Variants in SEC14L1 observed in about 807,000 individuals in gnomAD.
SEC14L1 encodes SEC14-like protein 1.
A neutral mutation model predicts 85.3 loss-of-function variants in SEC14L1; 48 were observed. That is an observed-to-expected ratio of 0.56 (90% CI 0.45 to 0.72). The LOEUF (loss-of-function observed/expected upper bound fraction) is 0.72, where lower values mean the gene tolerates loss of function less well. SEC14L1 is among the 30% of genes least tolerant of loss of function. The probability of loss-of-function intolerance (pLI) is 0.00; values close to 1 mark genes in which losing one functional copy is unlikely to be tolerated. For synonymous variants in SEC14L1, 391 were observed against 355.5 expected (o/e 1.10, Z -1.12); for missense variants, 682 against 921.4 (o/e 0.74, Z 3.36).
intron 9 of SEC14L1, 149 bp from the exon 10 acceptor site, chr17:77,203,421 C>G (rs1976280285): frequency 4.5e-6 from 3 of 666,368 alleles, no homozygotes; most frequent in Non-Finnish European, 7.7e-6. Context: ...CCCTATCACA[C>G]AAATCAGTTG....
chr17:77,102,480 C>T (rs2033817385), intron 3 of SEC14L1, among the ~76,000 whole-genome samples: 1 of 151,900 alleles, frequency 6.6e-6, no homozygotes, highest in South Asian at 2.1e-4. Flanking sequence ...GGGTATCTTC[C>T]CTTGTTTTCT....
intron 6 of SEC14L1, among the ~76,000 whole-genome samples, chr17:77,193,817 CA>C (rs1476771197): frequency 2.0e-5 from 3 of 152,216 alleles, no homozygotes; most frequent in African/African-American, 7.2e-5. Flanking sequence ...GAGGCAGCAG[CA>C]GCTGGCACAC....
At chr17:77,172,603 T>A (rs904665963) in intron 3 of SEC14L1, among the ~76,000 whole-genome samples, 2 of 152,218 alleles carry the variant, frequency 1.3e-5, no homozygotes, top group Admixed American at 1.3e-4. Context: ...TATAGATTTA[T>A]CTTTCCAGTT....
At chr17:77,181,650 A>G (rs1159693962) in intron 3 of SEC14L1, among the ~76,000 whole-genome samples, 1 of 152,178 alleles carries the variant, frequency 6.6e-6, no homozygotes, top group African/African-American at 2.4e-5. Flanking sequence ...ACCTCGGGTG[A>G]GGTAGTCTAC....
Position 77,201,970 on chromosome 17 carries a change from G to A in SEC14L1, c.1009+1297G>A, listed in dbSNP as rs569317306. Among the ~76,000 whole-genome samples the A allele has an allele frequency of 3.3e-5, 5 of 152,244 alleles. No homozygotes were observed. In the South Asian group the frequency reaches 6.2e-4, roughly 19 times the overall value. Reference sequence around the variant, plus strand: ...CACTGCTGGTCTTCTGGTAACCACCGAAGACAAGTCTTGGTTCCTTTTCAG... The same window carrying A: ...CACTGCTGGTCTTCTGGTAACCACCAAAGACAAGTCTTGGTTCCTTTTCAG... On this transcript the variant is annotated intron_variant, in intron 9 of 16. Transcript: ENST00000436233.
chr17:77,108,209 G>A (rs773435234), intron 3 of SEC14L1, among the ~76,000 whole-genome samples: 2 of 152,160 alleles, frequency 1.3e-5, no homozygotes, highest in Admixed American at 1.3e-4. Context: ...AAAGCCCATG[G>A]TGATGACTCA....
At chr17:77,188,726 G>T (rs1238754484) in intron 3 of SEC14L1, among the ~76,000 whole-genome samples, 1 of 152,182 alleles carries the variant, frequency 6.6e-6, no homozygotes, top group African/African-American at 2.4e-5. Flanking sequence ...CTGTTTTCTG[G>T]AGTGGTTGCA....
chr17:77,135,141 C>T (rs186922084), intron 3 of SEC14L1, among the ~76,000 whole-genome samples: 1 of 152,326 alleles, frequency 6.6e-6, no homozygotes, highest in East Asian at 1.9e-4. Context: ...TGACCCCATA[C>T]CACTTGACAC....
chr17:77,164,760 A>C (rs1249352737), intron 3 of SEC14L1, among the ~76,000 whole-genome samples: 1 of 152,122 alleles, frequency 6.6e-6, no homozygotes, highest in Non-Finnish European at 1.5e-5. Flanking sequence ...GTTGCTAGGA[A>C]AGCTGAGCTT....
chr17:77,106,092 CA>C (rs1971907880), intron 3 of SEC14L1, among the ~76,000 whole-genome samples: 1 of 152,110 alleles, frequency 6.6e-6, no homozygotes, highest in South Asian at 2.1e-4. Flanking sequence ...GGCCAGGGGA[CA>C]TTGAAATTAT....
At chr17:77,186,402 C>A (rs1195961844) in intron 3 of SEC14L1, among the ~76,000 whole-genome samples, 2 of 152,270 alleles carry the variant, frequency 1.3e-5, no homozygotes, top group Non-Finnish European at 1.5e-5. Flanking sequence ...CTGCATGCCT[C>A]CTCTCTCTCA....
upstream of SEC14L1, among the ~76,000 whole-genome samples, chr17:77,137,772 A>G (rs933739052): frequency 1.3e-5 from 2 of 152,242 alleles, no homozygotes; most frequent in East Asian, 1.9e-4. Context: ...CAAATTCCTG[A>G]AAAAGCATTT....
intron 3 of SEC14L1, among the ~76,000 whole-genome samples, chr17:77,172,759 AG>A (rs1176428295): frequency 1.3e-5 from 2 of 152,212 alleles, no homozygotes; most frequent in East Asian, 1.9e-4. Context: ...AGAACTCTGT[AG>A]GTCCTTCATC....
chr17:77,191,637 A>C (rs1478741360), intron 5 of SEC14L1, among the ~76,000 whole-genome samples: 1 of 151,068 alleles, frequency 6.6e-6, no homozygotes, highest in Non-Finnish European at 1.5e-5. Context: ...CTGCTTCCCG[A>C]GTTCAAGTGA....
intron 3 of SEC14L1, among the ~76,000 whole-genome samples, chr17:77,129,281 C>T (rs1057124537): frequency 6.6e-6 from 1 of 152,126 alleles, no homozygotes; most frequent in Admixed American, 6.6e-5. Context: ...CCATCAGCAT[C>T]CAATTAGTAT....
At chr17:77,129,882 G>A (rs771597588) in intron 3 of SEC14L1, among the ~76,000 whole-genome samples, 1 of 152,058 alleles carries the variant, frequency 6.6e-6, no homozygotes, top group African/African-American at 2.4e-5. Context: ...TTTATGACCC[G>A]CAGCTGCACA....
At chr17:77,195,937 T>G (rs1346920669) in intron 7 of SEC14L1, among the ~76,000 whole-genome samples, 1 of 152,214 alleles carries the variant, frequency 6.6e-6, no homozygotes, top group Non-Finnish European at 1.5e-5. Flanking sequence ...TCATGAATAG[T>G]ATTGTGATTT....
At position 77,215,391 on chromosome 17, in the gene SEC14L1, A is replaced by G. The variant is rs977452786; in HGVS notation, c.*1368A>G. ...AGCAGAGGCCGTGTTTTTCATGCCA[A>G]ACCCCACGCGGCTGTCAACTGTGTG... On this transcript the variant is annotated 3_prime_UTR_variant, in exon 17 of 17. Transcript: ENST00000436233. 8 of 985,344 alleles carry G rather than the reference A, an allele frequency of 8.1e-6. No individual in the cohort carries two copies. The highest frequency in any genetic ancestry group is 8.4e-6 in the Non-Finnish European group (7 of 829,966). The allele number at this position is 985,344 out of a possible 1,614,324, so 61.0% of individuals were successfully genotyped here. A position where few individuals can be genotyped will look rare whatever the true frequency, so the allele number is the denominator to read the frequency against.
At chr17:77,135,954 G>A (rs1406440067) in intron 3 of SEC14L1, among the ~76,000 whole-genome samples, 2 of 151,208 alleles carry the variant, frequency 1.3e-5, no homozygotes, top group Non-Finnish European at 2.9e-5. Flanking sequence ...CTCACTGCAA[G>A]CTCCATCTCC....
Sources: allele counts gnomAD v4.1 joint callset (sites outside exome capture counted in the v4.1 genomes callset), GRCh38; gene constraint gnomAD v4.1.1; transcripts MANE v1.5; gene names NCBI Gene and HGNC (gene_info 2026-07-23, HGNC 2026-07-21).